The following GLIS1 variants were observed in gnomAD, a reference collection of about 807,000 sequenced individuals.
The protein encoded by GLIS1 is zinc finger protein GLIS1.
A neutral mutation model predicts 63.8 loss-of-function variants in GLIS1; 24 were observed. The observed-to-expected ratio is 0.38, with a 90% CI of 0.27 to 0.53. The LOEUF is 0.53. Among genes scored for constraint, GLIS1 ranks in the 20% least tolerant of loss-of-function variants. GLIS1 has a pLI of 0.85. For missense variants in GLIS1, 1,036 were observed against 1,074.1 expected (o/e 0.96, Z 0.50); for synonymous variants, 450 against 482.5 (o/e 0.93, Z 0.88).
chr1:53,614,900 G>A (rs148001419), intron 2 of GLIS1, among the ~76,000 whole-genome samples: 66 of 139,036 alleles, frequency 4.7e-4, no homozygotes, highest in African/African-American at 1.9e-3. Flanking sequence ...TCACATATTC[G>A]TGCACACACT....
At chr1:53,705,876 G>A (rs1193015618) in intron 2 of GLIS1, among the ~76,000 whole-genome samples, 1 of 152,170 alleles carries the variant, frequency 6.6e-6, no homozygotes, top group Admixed American at 6.5e-5. Context: ...CGGGAAGTCC[G>A]AGGAAGGCCA....
Position 53,737,792 on chromosome 1 carries a change from A to T in GLIS1, c.259+14T>A. 1 of 1,230,942 alleles carries T rather than the reference A, an allele frequency of 8.1e-7. No homozygotes were observed. The allele number at this position is 1,230,942 out of a possible 1,614,324, so 76.3% of individuals were successfully genotyped here. On this transcript the variant is annotated intron_variant, in intron 2 of 10. Coordinates refer to ENST00000628545, the MANE Select transcript of GLIS1 (RefSeq NM_001367484.1). ...CACAGGAGCCGCCAGGCACGTTGGC[A>T]GGGCCGAACTCACCCTTCCCGGCGG...
In GLIS1 at chr1:53,648,979, T is replaced by A. The variant is rs1262564035; in HGVS notation, c.260-48701A>T. 2.6e-5 allele frequency among the ~76,000 whole-genome samples: 4 copies of A among 152,376 alleles called. No homozygotes were observed. The South Asian group carries it at 8.3e-4, about 32-fold the overall frequency. ...GTGTACTTTTCTATATACAGTTGAC[T>A]CTTGAACAAGATGGTTTTGAACTGC... On this transcript the variant is annotated intron_variant, in intron 2 of 10. Transcript: ENST00000628545.
chr1:53,665,874 C>T (rs1006866320), intron 2 of GLIS1, among the ~76,000 whole-genome samples: 12 of 152,174 alleles, frequency 7.9e-5, no homozygotes, highest in Non-Finnish European at 1.6e-4. Context: ...GATCCAGCAA[C>T]ATCGAACGCC....
intron 10 of GLIS1, 50 bp downstream of exon 10, chr1:53,509,070 T>G (rs1644267645): frequency 1.3e-6 from 2 of 1,494,204 alleles, no homozygotes; most frequent in Non-Finnish European, 1.8e-6. Flanking sequence ...CAGCACTGGG[T>G]TGAGCCTCGG....
chr1:53,707,744 G>C (rs1160687534), intron 2 of GLIS1, among the ~76,000 whole-genome samples: 1 of 151,776 alleles, frequency 6.6e-6, no homozygotes, highest in African/African-American at 2.4e-5. Context: ...GTACAGATAG[G>C]GTCTCAGTAT....
chr1:53,609,681 C>T (rs956305386), intron 2 of GLIS1, among the ~76,000 whole-genome samples: 3 of 152,206 alleles, frequency 2.0e-5, no homozygotes, highest in Non-Finnish European at 4.4e-5. Flanking sequence ...GATATACTTT[C>T]TTCTATTGCA....
At chr1:53,608,652 G>T (rs971851510) in intron 2 of GLIS1, among the ~76,000 whole-genome samples, 1 of 152,158 alleles carries the variant, frequency 6.6e-6, no homozygotes, top group African/African-American at 2.4e-5. Context: ...AAGTTAAAAT[G>T]GGTTAATGTA....
chr1:53,576,049 C>T (rs933893228), intron 4 of GLIS1, among the ~76,000 whole-genome samples: 1 of 152,140 alleles, frequency 6.6e-6, no homozygotes, highest in African/African-American at 2.4e-5. Flanking sequence ...GACTTGCTTT[C>T]TCTGCCTCCT....
At chr1:53,625,686 A>G (rs562415437) in intron 2 of GLIS1, among the ~76,000 whole-genome samples, 2 of 152,184 alleles carry the variant, frequency 1.3e-5, no homozygotes, top group Non-Finnish European at 2.9e-5. Context: ...GATGCTTTGT[A>G]AGGAAAATCT....
At chr1:53,738,526 T>C (rs1646935252) in intron 1 of GLIS1, among the ~76,000 whole-genome samples, 1 of 151,864 alleles carries the variant, frequency 6.6e-6, no homozygotes, top group African/African-American at 2.4e-5. Flanking sequence ...CGGAGACGGC[T>C]CCGGGTAGGT....
intron 2 of GLIS1, among the ~76,000 whole-genome samples, chr1:53,702,587 T>A (rs376362215): frequency 3.3e-5 from 5 of 152,200 alleles, no homozygotes; most frequent in African/African-American, 1.2e-4. Flanking sequence ...TCTGGGCAGG[T>A]CACACTCATA....
rs149984595 is a variant in GLIS1 at position 53,644,839 on chromosome 1, T to C, written c.260-44561A>G. Among the ~76,000 whole-genome samples, 124 of 152,240 alleles carry C rather than the reference T, an allele frequency of 8.1e-4. 1 individual carries two copies. Among genetic ancestry groups the C allele is most frequent in the African/African-American group, 2.7e-3 (114 of 41,548 alleles). ...GGGCTCACTCCACAACAGCAAGTAT[T>C]ATTTGCAGAGGAGCGACAGATTCCA... is the stretch of plus-strand genomic sequence containing the variant. On this transcript the variant is annotated intron_variant, in intron 2 of 10. Transcript: ENST00000628545.
At chr1:53,727,039 A>T (rs558269443) in intron 2 of GLIS1, among the ~76,000 whole-genome samples, 11 of 152,302 alleles carry the variant, frequency 7.2e-5, no homozygotes, top group African/African-American at 2.6e-4. Flanking sequence ...AATCCATGAG[A>T]CAGGAACTAT....
chr1:53,725,904 C>T (rs890528193), intron 2 of GLIS1, among the ~76,000 whole-genome samples: 3 of 152,194 alleles, frequency 2.0e-5, no homozygotes, highest in African/African-American at 7.2e-5. Context: ...TCCCAAGAAG[C>T]CCCACCTTGA....
rs183474171 is a variant in GLIS1, at chr1:53,537,241, C to T, written c.1321-7289G>A. ...AAGATCCGCTGGGGGCTGGCTCAGACGTTCAAGTTGCAGGGTGGGTCCACC... is the reference window on the plus strand; with the variant it reads ...AAGATCCGCTGGGGGCTGGCTCAGATGTTCAAGTTGCAGGGTGGGTCCACC... On this transcript the variant is annotated intron_variant, in intron 4 of 10. Coordinates refer to ENST00000628545, the MANE Select transcript of GLIS1 (RefSeq NM_001367484.1). 1.0e-3 allele frequency among the ~76,000 whole-genome samples: 154 copies of T among 152,308 alleles called. 2 individuals carry two copies. The highest frequency in any genetic ancestry group is 3.5e-3 in the African/African-American group (146 of 41,588).
intron 4 of GLIS1, among the ~76,000 whole-genome samples, chr1:53,575,638 T>C (rs555782818): frequency 8.4e-4 from 128 of 152,286 alleles, no homozygotes; most frequent in African/African-American, 3.0e-3. Flanking sequence ...TATGAGCACT[T>C]CCAGGGCAAG....
rs575743041 is a variant in GLIS1, at chr1:53,575,164, T to C, written c.1320+18944A>G. On this transcript the variant is annotated intron_variant, in intron 4 of 10. Coordinates refer to ENST00000628545, the MANE Select transcript of GLIS1 (RefSeq NM_001367484.1). ...CTAGAATTAAATTATCTGTGAGTTA[T>C]CAAGAACGGAGCACAGATTGCAATT... Among the ~76,000 whole-genome samples, 6 of 152,230 alleles carry C rather than the reference T, an allele frequency of 3.9e-5. No homozygotes were observed. In the East Asian group the frequency reaches 1.2e-3, roughly 29 times the overall value.
At chr1:53,618,995 G>T (rs1299835187) in intron 2 of GLIS1, among the ~76,000 whole-genome samples, 1 of 152,224 alleles carries the variant, frequency 6.6e-6, no homozygotes, top group Non-Finnish European at 1.5e-5. Flanking sequence ...GACTGGAGAT[G>T]CCTCTAAATG....
Sources: allele counts gnomAD v4.1 joint callset (sites outside exome capture counted in the v4.1 genomes callset), GRCh38; gene constraint gnomAD v4.1.1; transcripts MANE v1.5; gene names NCBI Gene and HGNC (gene_info 2026-07-23, HGNC 2026-07-21).